The following PSMD14 variants were observed in gnomAD, a reference collection of about 807,000 sequenced individuals.
PSMD14 encodes the protein ubiquitin C-terminal hydrolase PSMD14.
Under a neutral mutation model 41.2 loss-of-function variants are expected in PSMD14, and 7 were observed. The ratio of observed to expected loss-of-function variants is 0.17; its 90% CI spans 0.10 to 0.32. The LOEUF is 0.32. PSMD14 is among the 10% of genes least tolerant of loss of function. The pLI, the probability that PSMD14 is intolerant of heterozygous loss-of-function variation, is 1.00. For synonymous variants in PSMD14, 114 were observed against 122.3 expected (o/e 0.93, Z 0.45); for missense variants, 139 against 375.6 (o/e 0.37, Z 5.21).
intron 3 of PSMD14, among the ~76,000 whole-genome samples, chr2:161,331,939 T>A (rs1200606181): frequency 6.6e-6 from 1 of 152,154 alleles, no homozygotes; most frequent in Admixed American, 6.5e-5. Context: ...TAACAAGAAG[T>A]GGAGCTAGAG....
At chr2:161,321,201 C>T (rs1330717906) in intron 3 of PSMD14, among the ~76,000 whole-genome samples, 2 of 152,124 alleles carry the variant, frequency 1.3e-5, no homozygotes, top group Non-Finnish European at 1.5e-5. Context: ...GAATTCCCTC[C>T]CAAATAGGAG....
chr2:161,341,276 C>T (rs1228138349), intron 3 of PSMD14: 5 of 1,017,308 alleles, frequency 4.9e-6, no homozygotes, highest in Non-Finnish European at 5.9e-6. Context: ...GAAGGGCCAG[C>T]GCGGTGGCCA....
chr2:161,337,817 A>C (rs1409652551), intron 3 of PSMD14, among the ~76,000 whole-genome samples: 5 of 152,210 alleles, frequency 3.3e-5, no homozygotes, highest in Non-Finnish European at 1.5e-5. Context: ...TCTGGTTCTC[A>C]GTGTATGTCT....
chr2:161,316,918 T>A lies in PSMD14; in HGVS notation c.-5+349T>A, dbSNP rs117995630. ...CACAGCATCTGGAGTCTGTGTAAAGTCATCAGAAACAACACAGAGGGATAG... is the reference window on the plus strand; with the variant it reads ...CACAGCATCTGGAGTCTGTGTAAAGACATCAGAAACAACACAGAGGGATAG... On this transcript the variant is annotated intron_variant, in intron 2 of 11. Transcript: ENST00000409682. Among the ~76,000 whole-genome samples, 45 of 152,334 alleles carry A rather than the reference T, an allele frequency of 3.0e-4. No homozygotes were observed. The East Asian group carries it at 7.9e-3, about 27-fold the overall frequency.
chr2:161,407,440 T>C (rs961038647), intron 10 of PSMD14: 2 of 152,122 alleles, frequency 1.3e-5, no homozygotes, highest in Non-Finnish European at 2.9e-5. Flanking sequence ...CCTTTGATAA[T>C]CAGTAGATAC....
At chr2:161,323,643 A>G (rs1197520784) in intron 3 of PSMD14, among the ~76,000 whole-genome samples, 9 of 152,100 alleles carry the variant, frequency 5.9e-5, no homozygotes, top group Non-Finnish European at 8.8e-5. Context: ...AGCCTGGGTG[A>G]CAGAGTGAGA....
intron 3 of PSMD14, among the ~76,000 whole-genome samples, chr2:161,333,615 T>G: frequency 6.6e-6 from 1 of 152,218 alleles, no homozygotes; most frequent in Non-Finnish European, 1.5e-5. Context: ...AGAAAGCAGA[T>G]AGTTTAGGAT....
intron 8 of PSMD14, among the ~76,000 whole-genome samples, chr2:161,387,936 A>G (rs1683655419): frequency 6.6e-6 from 1 of 152,048 alleles, no homozygotes; most frequent in East Asian, 1.9e-4. Flanking sequence ...TATAATGCCT[A>G]TCCTCTAGGC....
At chr2:161,401,681 T>C (rs1683881536) in intron 10 of PSMD14, among the ~76,000 whole-genome samples, 1 of 152,246 alleles carries the variant, frequency 6.6e-6, no homozygotes, top group Admixed American at 6.5e-5. Flanking sequence ...ATTATTCATC[T>C]CTATTTCATG....
intron 3 of PSMD14, among the ~76,000 whole-genome samples, chr2:161,353,409 A>G (rs769940034): frequency 1.3e-5 from 2 of 152,224 alleles, no homozygotes; most frequent in African/African-American, 4.8e-5. Flanking sequence ...AACCATTGAA[A>G]TTTAAACAGT....
intron 11 of PSMD14, among the ~76,000 whole-genome samples, chr2:161,410,267 G>C (rs537805064): frequency 1.3e-5 from 2 of 151,668 alleles, no homozygotes; most frequent in Non-Finnish European, 2.9e-5. Flanking sequence ...ATATATTGTA[G>C]TCTAGTCACT....
intron 3 of PSMD14, among the ~76,000 whole-genome samples, chr2:161,336,134 GGTCTCCACC>G (rs1559041114): frequency 6.6e-6 from 1 of 151,278 alleles, no homozygotes; most frequent in Non-Finnish European, 1.5e-5. Flanking sequence ...TTATTCATTT[GGTCTCCACC>G]TTTTATTCAT....
At chr2:161,393,170 T>C (rs939876158) in intron 9 of PSMD14, among the ~76,000 whole-genome samples, 8 of 152,206 alleles carry the variant, frequency 5.3e-5, no homozygotes, top group African/African-American at 1.9e-4. Flanking sequence ...CCAGGTATGA[T>C]AGGAATATCC....
chr2:161,309,435 T>G (rs1202393241), intron 1 of PSMD14, among the ~76,000 whole-genome samples: 1 of 152,230 alleles, frequency 6.6e-6, no homozygotes, highest in Non-Finnish European at 1.5e-5. Context: ...AGAGTTATAG[T>G]GTGAAAGTGA....
chr2:161,328,647 C>T (rs1446102143), intron 3 of PSMD14, among the ~76,000 whole-genome samples: 3 of 152,158 alleles, frequency 2.0e-5, no homozygotes, highest in Admixed American at 2.0e-4. Flanking sequence ...TTTAAAGAGT[C>T]ACATGTACCT....
chr2:161,346,766 G>A (rs373137894), intron 3 of PSMD14, among the ~76,000 whole-genome samples: 1 of 151,402 alleles, frequency 6.6e-6, no homozygotes, highest in East Asian at 1.9e-4. Flanking sequence ...CTAATTTTGT[G>A]AATTCTGAAA....
chr2:161,374,038 A>G (rs1683473453), intron 7 of PSMD14, among the ~76,000 whole-genome samples: 1 of 151,864 alleles, frequency 6.6e-6, no homozygotes, highest in Non-Finnish European at 1.5e-5. Context: ...TCAGACCATG[A>G]GTTAGCAGCA....
intron 3 of PSMD14, among the ~76,000 whole-genome samples, chr2:161,351,463 C>T (rs900915416): frequency 6.6e-6 from 1 of 152,182 alleles, no homozygotes; most frequent in African/African-American, 2.4e-5. Context: ...CCTCAAGTTT[C>T]CCATACCATT....
At chr2:161,345,686 C>T (rs530873389) in intron 3 of PSMD14, among the ~76,000 whole-genome samples, 6 of 151,768 alleles carry the variant, frequency 4.0e-5, no homozygotes, top group African/African-American at 4.8e-5. Flanking sequence ...TTCATGTGTC[C>T]GAAGGCCTGT....
Sources: gnomAD v4.1 joint callset for allele counts (sites outside exome capture counted in the v4.1 genomes callset) on GRCh38, gnomAD v4.1.1 for gene constraint, MANE v1.5 for transcripts, NCBI Gene and HGNC (gene_info 2026-07-23, HGNC 2026-07-21) for gene names.